GPC3: variants seen among roughly 807,000 people sequenced by gnomAD.
GPC3 encodes the protein glypican 3.
A neutral mutation model predicts 34.4 loss-of-function variants in GPC3; 3 were observed. That is an observed-to-expected ratio of 0.09 (90% CI 0.04 to 0.23). The LOEUF is 0.23. GPC3 is among the 10% of genes least tolerant of loss of function. The pLI, the probability that GPC3 is intolerant of heterozygous loss-of-function variation, is 1.00. For synonymous variants in GPC3, 177 were observed against 174.0 expected (o/e 1.02, Z -0.13); for missense variants, 351 against 445.6 (o/e 0.79, Z 1.91).
intron 7 of GPC3, among the ~76,000 whole-genome samples, chrX:133,548,093 T>C (rs17251454): frequency 0.014 from 1,532 of 112,565 alleles, 10 homozygotes; most frequent in Non-Finnish European, 0.018. Context: ...ACTCTGTCCT[T>C]ATAACATTTT....
chrX:133,676,163 T>C (rs1430080145), intron 5 of GPC3, among the ~76,000 whole-genome samples: 1 of 112,324 alleles, frequency 8.9e-6, no homozygotes, highest in Admixed American at 9.4e-5. Flanking sequence ...GAGAAGGGAC[T>C]ACCAAGAATA....
intron 2 of GPC3, among the ~76,000 whole-genome samples, chrX:133,833,930 T>C (rs1350203618): frequency 9.0e-6 from 1 of 111,523 alleles, no homozygotes; most frequent in African/African-American, 3.3e-5. Context: ...TGTGTCTCTA[T>C]GTCTCACTCT....
chrX:133,860,814 T>C (rs1206625412), intron 2 of GPC3, among the ~76,000 whole-genome samples: 1 of 111,714 alleles, frequency 9.0e-6, no homozygotes, highest in African/African-American at 3.3e-5. Context: ...TTTTAAAAAA[T>C]TGATTGGCCA....
chrX:133,831,473 G>A (rs940256885), intron 2 of GPC3, among the ~76,000 whole-genome samples: 3 of 112,196 alleles, frequency 2.7e-5, no homozygotes, highest in African/African-American at 9.7e-5. Flanking sequence ...GCTCACACCT[G>A]TAATCCCAGC....
chrX:133,958,118 G>C (rs1213135786), intron 1 of GPC3, among the ~76,000 whole-genome samples: 1 of 112,546 alleles, frequency 8.9e-6, no homozygotes, highest in African/African-American at 3.2e-5. Context: ...CTGAAGAGCA[G>C]AGAATGACTC....
intron 6 of GPC3, among the ~76,000 whole-genome samples, chrX:133,628,951 G>T: frequency 9.0e-6 from 1 of 111,443 alleles, no homozygotes; most frequent in Non-Finnish European, 1.9e-5. Context: ...TCTGGTGGAT[G>T]TATTTGACCT....
At chrX:133,763,662 A>G in intron 2 of GPC3, 7 of 696,723 alleles carry the variant, frequency 1.0e-5, no homozygotes, top group Non-Finnish European at 1.4e-5. Context: ...AATGGGTAGG[A>G]GCAACCACTG....
rs139864354 is a variant in GPC3, at chrX:133,655,194, A to T, written c.1413+6536T>A. On this transcript the variant is annotated intron_variant, in intron 6 of 7. Transcript: ENST00000370818. ...AATTCTTCTTGGTGCAGTGTTATTAAACTGTATATAGTAATTAAGATATTA... is the reference window on the plus strand; with the variant it reads ...AATTCTTCTTGGTGCAGTGTTATTATACTGTATATAGTAATTAAGATATTA... Among the ~76,000 whole-genome samples, 979 of 111,521 alleles carry T rather than the reference A, an allele frequency of 8.8e-3. 15 individuals carry two copies. The highest frequency in any genetic ancestry group is 0.029 in the African/African-American group (889 of 30,670).
chrX:133,656,015 G>T (rs936245776), intron 6 of GPC3, among the ~76,000 whole-genome samples: 4 of 112,168 alleles, frequency 3.6e-5, no homozygotes, highest in African/African-American at 1.3e-4. Context: ...TTCAGCATCT[G>T]TTCTAGATTT....
rs773036789 is a variant in GPC3, at chrX:133,593,821, G to A, written c.1573+2619C>T. ...ATAGAAAGGAAGGATTGGGCTGGGC[G>A]TAGTGACTCACGCCTGTAATCCCAG... is the stretch of plus-strand genomic sequence containing the variant. On this transcript the variant is annotated intron_variant, in intron 7 of 7. Transcript: ENST00000370818. Among the ~76,000 whole-genome samples the A allele has an allele frequency of 4.5e-5, 5 of 111,304 alleles. No homozygotes were observed. The East Asian group carries it at 1.1e-3, about 25-fold the overall frequency.
At chrX:133,859,619 C>G (rs1282369566) in intron 2 of GPC3, among the ~76,000 whole-genome samples, 1 of 111,605 alleles carries the variant, frequency 9.0e-6, no homozygotes, top group Non-Finnish European at 1.9e-5. Flanking sequence ...AGGTTTCTGA[C>G]AAAGAGAAAA....
chrX:133,753,689 G>A lies in GPC3; in HGVS notation c.825C>T (p.Gly275=), dbSNP rs753811089. The change falls in exon 3 of 8, where the codon GGC becomes GGT. Residue 275 remains glycine (G), a synonymous_variant. Transcript: ENST00000370818. ...CQGLMMVKPC[G]GYCNVVMQGC... is the part of the protein sequence containing the mutation. Reference sequence around the variant, plus strand: ...CTTGCATGACCACATTGCAGTAACCGCCACAGGGTTTAACCATCATCAGTC... The same window carrying A: ...CTTGCATGACCACATTGCAGTAACCACCACAGGGTTTAACCATCATCAGTC... 2.8e-5 allele frequency: 34 copies of A among 1,210,796 alleles called. No individual in the cohort carries two copies. In the South Asian group the frequency reaches 4.6e-4, roughly 16 times the overall value.
At chrX:133,953,429 T>C (rs1232111248) in intron 1 of GPC3, among the ~76,000 whole-genome samples, 1 of 111,541 alleles carries the variant, frequency 9.0e-6, no homozygotes, top group Non-Finnish European at 1.9e-5. Context: ...CTGACTCTTT[T>C]TGAATAACCA....
At chrX:133,778,923 C>T (rs1244028603) in intron 2 of GPC3, among the ~76,000 whole-genome samples, 1 of 111,425 alleles carries the variant, frequency 9.0e-6, no homozygotes, top group African/African-American at 3.3e-5. Context: ...GTTTTTTTAC[C>T]CTCTAAAAAT....
rs577794626 is a variant in GPC3 at position 133,954,892 on chromosome X, C to A, written c.176-1681G>T. On this transcript the variant is annotated intron_variant, in intron 1 of 7. Transcript: ENST00000370818. ...CCTCCCAAGTAGCTGGGATTACAGG[C>A]ATCTGCCACCACGCCTGGCTAATTT... Among the ~76,000 whole-genome samples the A allele has an allele frequency of 3.7e-5, 4 of 109,503 alleles. No homozygotes were observed. The South Asian group carries it at 1.6e-3, about 44-fold the overall frequency.
chrX:133,849,881 G>A (rs1389271084), intron 2 of GPC3, among the ~76,000 whole-genome samples: 1 of 111,648 alleles, frequency 9.0e-6, no homozygotes, highest in Non-Finnish European at 1.9e-5. Flanking sequence ...ACTCATCTCT[G>A]GATCCCTCTG....
At chrX:133,672,894 C>T (rs1423963506) in intron 5 of GPC3, among the ~76,000 whole-genome samples, 2 of 107,845 alleles carry the variant, frequency 1.9e-5, no homozygotes, top group African/African-American at 3.4e-5. Context: ...TCGTGATCCG[C>T]CTGCCTCGGC....
chrX:133,739,241 T>C (rs1042527024), intron 3 of GPC3, among the ~76,000 whole-genome samples: 3 of 111,329 alleles, frequency 2.7e-5, no homozygotes, highest in African/African-American at 9.8e-5. Context: ...GCTCCTGACA[T>C]AGGGCCTTTG....
chrX:133,759,569 A>C (rs777744022), intron 2 of GPC3, among the ~76,000 whole-genome samples: 1 of 112,474 alleles, frequency 8.9e-6, no homozygotes, highest in Admixed American at 9.4e-5. Context: ...ACATGCAAAA[A>C]ATGAATCTAG....
Sources: allele counts gnomAD v4.1 joint callset (sites outside exome capture counted in the v4.1 genomes callset), GRCh38; gene constraint gnomAD v4.1.1; transcripts MANE v1.5; gene names NCBI Gene and HGNC (gene_info 2026-07-23, HGNC 2026-07-21).